ZFP91: variants seen among roughly 807,000 people sequenced by gnomAD.
ZFP91 encodes E3 ubiquitin-protein ligase ZFP91.
A neutral mutation model predicts 63.5 loss-of-function variants in ZFP91; 7 were observed. The ratio of observed to expected loss-of-function variants is 0.11; its 90% CI spans 0.06 to 0.21. The LOEUF (loss-of-function observed/expected upper bound fraction) is 0.21, where lower values mean the gene tolerates loss of function less well. Ranked by LOEUF, ZFP91 falls within the 10% of genes least tolerant of loss-of-function variation. The probability of loss-of-function intolerance (pLI) is 1.00; values close to 1 mark genes in which losing one functional copy is unlikely to be tolerated. For missense variants in ZFP91, 628 were observed against 736.6 expected (o/e 0.85, Z 1.71); for synonymous variants, 330 against 272.1 (o/e 1.21, Z -2.10).
chr11:58,586,835 T>C (rs1855218544), intron 2 of ZFP91, among the ~76,000 whole-genome samples: 1 of 152,234 alleles, frequency 6.6e-6, no homozygotes, highest in East Asian at 1.9e-4. Flanking sequence ...ATAACTCATG[T>C]TCATTTCAGA....
At chr11:58,579,748 A>G in intron 1 of ZFP91, 126 bp downstream of exon 1, 1 of 899,432 alleles carries the variant, frequency 1.1e-6, no homozygotes, top group South Asian at 2.0e-5. Flanking sequence ...TCCGCACGCC[A>G]GATGTCACAC....
intron 2 of ZFP91, among the ~76,000 whole-genome samples, chr11:58,586,910 A>G (rs979965109): frequency 4.6e-5 from 7 of 152,136 alleles, no homozygotes; most frequent in African/African-American, 1.7e-4. Context: ...GCCTTCTGTT[A>G]TATTAATGCT....
At position 58,620,180 on chromosome 11, in the gene ZFP91, T is replaced by C. The variant is rs1855824828; in HGVS notation, c.*2474T>C. 6.6e-6 allele frequency: 1 copy of C among 152,234 alleles called. No homozygotes were observed. 9.4% of individuals were successfully genotyped at this position (152,234 alleles called of 1,614,324 possible). ...GCTACCATTTGCCTACAATAAATTATTGCAGCAGTTTGCAATACTAAAATA... is the reference window on the plus strand; with the variant it reads ...GCTACCATTTGCCTACAATAAATTACTGCAGCAGTTTGCAATACTAAAATA... On this transcript the variant is annotated 3_prime_UTR_variant, in exon 11 of 11. Coordinates refer to ENST00000316059, the MANE Select transcript of ZFP91 (RefSeq NM_053023.5).
In ZFP91 at chr11:58,579,150, G is replaced by A; in HGVS notation, c.-132G>A. 1 of 721,918 alleles carries A rather than the reference G, an allele frequency of 1.4e-6. No homozygotes were observed. Among genetic ancestry groups the A allele is most frequent in the Non-Finnish European group, 2.0e-6 (1 of 506,476 alleles). 44.7% of individuals were successfully genotyped at this position (721,918 alleles called of 1,614,324 possible). A position where few individuals can be genotyped will look rare whatever the true frequency, so the allele number is the denominator to read the frequency against. ...GCCCTCGGAGCCGGGCGGAGGGGAG[G>A]GGGGAAAGAGGAGCGCAGGGTGAGA... On this transcript the variant is annotated 5_prime_UTR_variant, in exon 1 of 11. Coordinates refer to ENST00000316059, the MANE Select transcript of ZFP91 (RefSeq NM_053023.5).
chr11:58,596,229 CTCT>C (rs935401696), intron 2 of ZFP91, among the ~76,000 whole-genome samples: 8 of 152,186 alleles, frequency 5.3e-5, no homozygotes, highest in Admixed American at 2.0e-4. Flanking sequence ...GGTCTTTGTC[CTCT>C]TCTTCACATT....
chr11:58,586,328 T>G (rs1371020486), intron 2 of ZFP91, among the ~76,000 whole-genome samples: 1 of 152,120 alleles, frequency 6.6e-6, no homozygotes, highest in Non-Finnish European at 1.5e-5. Context: ...TAGATGACCT[T>G]TGGGTAGACG....
At position 58,579,346 on chromosome 11, in the gene ZFP91, C is replaced by A; in HGVS notation, c.65C>A (p.Ala22Asp). The change falls in exon 1 of 11, where the codon GCC (alanine) becomes GAC (aspartate). Residue 22 changes from alanine (A) to aspartate (D), a missense_variant. Ala to Asp is a moderately radical substitution (Grantham distance 126). Transcript: ENST00000316059. ...CAGGACCAGGAAGGGGGAGAGGCGG[C>A]CAAGGCGGCTCCGGAGGAGCCCCAA... Reference protein sequence around the residue: ...EQQDQEGGEAAKAAPEEPQQR... With the variant: ...EQQDQEGGEADKAAPEEPQQR... 1 of 1,495,010 alleles carries A rather than the reference C, an allele frequency of 6.7e-7. No homozygotes were observed. Among genetic ancestry groups the A allele is most frequent in the Non-Finnish European group, 8.9e-7 (1 of 1,126,758 alleles). 92.6% of individuals were successfully genotyped at this position (1,495,010 alleles called of 1,614,324 possible). A position where few individuals can be genotyped will look rare whatever the true frequency, so the allele number is the denominator to read the frequency against.
In ZFP91 at chr11:58,617,114, T is replaced by A; in HGVS notation, c.1203-82T>A. On this transcript the variant is annotated intron_variant, in intron 10 of 10. Coordinates refer to ENST00000316059, the MANE Select transcript of ZFP91 (RefSeq NM_053023.5). The surrounding 1 kb of genome is among the most constrained non-coding windows in gnomAD (Gnocchi z 4.2). Reference sequence around the variant, plus strand: ...TGTGTGTGTGTATGTATATATATGCTCTAAACTCTAACCCTGATCCTGAAT... The same window carrying A: ...TGTGTGTGTGTATGTATATATATGCACTAAACTCTAACCCTGATCCTGAAT... The A allele has an allele frequency of 7.7e-7, 1 of 1,291,678 alleles. No individual in the cohort carries two copies. Among genetic ancestry groups the A allele is most frequent in the Non-Finnish European group, 1.1e-6 (1 of 946,864 alleles). 80.0% of individuals were successfully genotyped at this position (1,291,678 alleles called of 1,614,324 possible).
intron 2 of ZFP91, among the ~76,000 whole-genome samples, chr11:58,589,530 A>G (rs1459201056): frequency 6.6e-6 from 1 of 152,258 alleles, no homozygotes; most frequent in Non-Finnish European, 1.5e-5. Context: ...ATTTATGGAA[A>G]ACAAAGTGCA....
rs1483001599 is a variant in ZFP91, at chr11:58,609,984, C to A, written c.525C>A (p.Thr175=). The stretch of plus-strand genomic sequence containing the variant: ...ACACCCGAAGCTCTCGGTCCAAGAC[C>A]GGTTCATTGCAGCTCATTTGCAAGT... ...TENTRSSRSK[T]GSLQLICKSE... The change falls in exon 3 of 11, where the codon ACC becomes ACA. Residue 175 remains threonine, a synonymous_variant. Transcript: ENST00000316059. 2 of 1,614,052 alleles carry A rather than the reference C, an allele frequency of 1.2e-6. No homozygotes were observed. Among genetic ancestry groups the A allele is most frequent in the Admixed American group, 3.3e-5 (2 of 60,010 alleles).
chr11:58,616,902 C>T (rs1021551647), intron 10 of ZFP91, 87 bp downstream of exon 10: 1 of 1,247,100 alleles, frequency 8.0e-7, no homozygotes, highest in Non-Finnish European at 1.2e-6. Context: ...TATTAGTTGC[C>T]ACTGCTGTTT....
chr11:58,596,894 A>G (rs1565219561), intron 2 of ZFP91, among the ~76,000 whole-genome samples: 1 of 152,078 alleles, frequency 6.6e-6, no homozygotes, highest in African/African-American at 2.4e-5. Flanking sequence ...ATTTTCTTAC[A>G]TGGAGTTAAC....
Position 58,621,233 on chromosome 11 carries a change from AT to A in ZFP91, c.*3529del, listed in dbSNP as rs1361542902. 9.2e-5 allele frequency among the ~76,000 whole-genome samples: 14 copies of A among 152,204 alleles called. No homozygotes were observed. Among genetic ancestry groups the A allele is most frequent in the Non-Finnish European group, 1.8e-4 (12 of 68,024 alleles). On this transcript the variant is annotated 3_prime_UTR_variant, in exon 11 of 11. Coordinates refer to ENST00000316059, the MANE Select transcript of ZFP91 (RefSeq NM_053023.5). Reference sequence around the variant, plus strand: ...AATGCTGAAATGACATGATTCTGTTATTCAGCAAACTTGGAAATCTTGATGT... The same window carrying A: ...AATGCTGAAATGACATGATTCTGTTATCAGCAAACTTGGAAATCTTGATGT...
At position 58,619,604 on chromosome 11, in the gene ZFP91, C is replaced by A. The variant is rs1855812750; in HGVS notation, c.*1898C>A. 1 of 152,572 alleles carries A rather than the reference C, an allele frequency of 6.6e-6. No individual in the cohort carries two copies. Among genetic ancestry groups the A allele is most frequent in the Non-Finnish European group, 1.5e-5 (1 of 67,992 alleles). The allele number at this position is 152,572 out of a possible 1,614,324, so 9.5% of individuals were successfully genotyped here. On this transcript the variant is annotated 3_prime_UTR_variant, in exon 11 of 11. Coordinates refer to ENST00000316059, the MANE Select transcript of ZFP91 (RefSeq NM_053023.5). ...TTTCTGAAAGAGGCTTACTTTATAC[C>A]AACTAGTGTCAGCATTTGGGATGCC... is the stretch of plus-strand genomic sequence containing the variant.
chr11:58,620,773 A>G lies in ZFP91; in HGVS notation c.*3067A>G, dbSNP rs1217157624. The G allele has an allele frequency of 5.2e-5, 8 of 152,734 alleles. No individual in the cohort carries two copies. The highest frequency in any genetic ancestry group is 3.9e-4 in the East Asian group (2 of 5,188). 9.5% of individuals were successfully genotyped at this position (152,734 alleles called of 1,614,324 possible). ...CCTTTTGTGTTTTTCCCACTTTCCA[A>G]TGTACTCAAGAAAATTGAACAAATG... is the stretch of plus-strand genomic sequence containing the variant. On this transcript the variant is annotated 3_prime_UTR_variant, in exon 11 of 11. Coordinates refer to ENST00000316059, the MANE Select transcript of ZFP91 (RefSeq NM_053023.5).
intron 1 of ZFP91, among the ~76,000 whole-genome samples, chr11:58,581,014 T>C (rs1456929874): frequency 6.6e-6 from 1 of 152,210 alleles, no homozygotes; most frequent in Non-Finnish European, 1.5e-5. Flanking sequence ...TTCCTTAACC[T>C]ACCCATGCCT....
At chr11:58,597,980 C>T (rs1213430603) in intron 2 of ZFP91, among the ~76,000 whole-genome samples, 2 of 152,060 alleles carry the variant, frequency 1.3e-5, no homozygotes, top group African/African-American at 4.8e-5. Context: ...AATGAGTTAA[C>T]TGAGAGATAC....
chr11:58,588,925 T>G (rs1053729786), intron 2 of ZFP91, among the ~76,000 whole-genome samples: 4 of 152,190 alleles, frequency 2.6e-5, no homozygotes, highest in Non-Finnish European at 5.9e-5. Context: ...CTTGAAAGAT[T>G]TTGAATCTCC....
chr11:58,605,485 TGATTTTCTG>T (rs1259906373), intron 2 of ZFP91, among the ~76,000 whole-genome samples: 1 of 152,226 alleles, frequency 6.6e-6, no homozygotes, highest in African/African-American at 2.4e-5. Flanking sequence ...AATCTGTTTT[TGATTTTCTG>T]GTAATGTCTT....
Sources: gnomAD v4.1 joint callset for allele counts (sites outside exome capture counted in the v4.1 genomes callset) on GRCh38, gnomAD v4.1.1 for gene constraint, Gnocchi (gnomAD v3.1) non-coding constraint, MANE v1.5 for transcripts, NCBI Gene and HGNC (gene_info 2026-07-23, HGNC 2026-07-21) for gene names.